PTPRD: variants seen among roughly 807,000 people sequenced by gnomAD.
PTPRD encodes the protein protein tyrosine phosphatase receptor type D.
In PTPRD, 34 loss-of-function variants were observed where a neutral mutation model predicts 214.5. That is an observed-to-expected ratio of 0.16 (90% confidence interval 0.12 to 0.21). The LOEUF (loss-of-function observed/expected upper bound fraction) is 0.21, where lower values mean the gene tolerates loss of function less well. Among genes scored for constraint, PTPRD ranks in the 10% least tolerant of loss-of-function variants. PTPRD has a pLI of 1.00. For synonymous variants in PTPRD, 1,128 were observed against 845.7 expected (o/e 1.33, Z -5.79); for missense variants, 2,545 against 2,398.7 (o/e 1.06, Z -1.27).
At chr9:9,849,134 T>G (rs1239235401) in intron 5 of PTPRD, among the ~76,000 whole-genome samples, 1 of 151,970 alleles carries the variant, frequency 6.6e-6, no homozygotes, top group East Asian at 1.9e-4. Flanking sequence ...AGTTGTTGAT[T>G]TACTTTCCGT....
At chr9:8,696,806 A>G (rs2097919900) in intron 12 of PTPRD, among the ~76,000 whole-genome samples, 1 of 152,220 alleles carries the variant, frequency 6.6e-6, no homozygotes, top group African/African-American at 2.4e-5. Context: ...AAATCCACAT[A>G]AATTGCTTAT....
intron 44 of PTPRD, among the ~76,000 whole-genome samples, chr9:8,324,370 G>C (rs1760175573): frequency 6.6e-6 from 1 of 152,096 alleles, no homozygotes; most frequent in Non-Finnish European, 1.5e-5. Context: ...CTGTTCCTGT[G>C]TTAGTTTGCT....
intron 7 of PTPRD, among the ~76,000 whole-genome samples, chr9:9,597,344 G>A (rs898844094): frequency 2.6e-5 from 4 of 151,974 alleles, no homozygotes; most frequent in Non-Finnish European, 5.9e-5. Context: ...ACACTGAATG[G>A]AAGACAACTT....
chr9:9,174,035 GA>G (rs1360829066), intron 10 of PTPRD, among the ~76,000 whole-genome samples: 2 of 152,096 alleles, frequency 1.3e-5, no homozygotes, highest in African/African-American at 4.8e-5. Context: ...CCATGATAAT[GA>G]GGGAGTTAAG....
At chr9:10,516,937 T>A (rs2050329336) in intron 2 of PTPRD, among the ~76,000 whole-genome samples, 1 of 151,942 alleles carries the variant, frequency 6.6e-6, no homozygotes, top group African/African-American at 2.4e-5. Context: ...CCTATATGTG[T>A]CTTTATGTTT....
chr9:10,566,372 C>T (rs1008951927), intron 2 of PTPRD, among the ~76,000 whole-genome samples: 6 of 151,988 alleles, frequency 3.9e-5, no homozygotes, highest in African/African-American at 1.4e-4. Context: ...TGCCAATTTA[C>T]AACTGCAGTG....
rs533830717 is a variant in PTPRD at position 9,418,958 on chromosome 9, G to A, written c.-236-21476C>T. On this transcript the variant is annotated intron_variant, in intron 8 of 45. Transcript: ENST00000381196. ...TTTTAATAAGCAGAAAGAGTGTAGTGGAGAAGGAAACGACTTTCTAGATAA... is the reference window on the plus strand; with the variant it reads ...TTTTAATAAGCAGAAAGAGTGTAGTAGAGAAGGAAACGACTTTCTAGATAA... Among the ~76,000 whole-genome samples the A allele has an allele frequency of 3.3e-5, 5 of 151,606 alleles. No individual in the cohort carries two copies. The East Asian group carries it at 9.7e-4, about 30-fold the overall frequency.
intron 11 of PTPRD, among the ~76,000 whole-genome samples, chr9:8,770,551 C>T (rs1328652482): frequency 6.6e-6 from 1 of 152,044 alleles, no homozygotes; most frequent in Non-Finnish European, 1.5e-5. Context: ...TGTAGTCAAT[C>T]CCTCTAGGAA....
At chr9:9,621,662 A>G (rs907704019) in intron 7 of PTPRD, among the ~76,000 whole-genome samples, 3 of 152,172 alleles carry the variant, frequency 2.0e-5, no homozygotes, top group African/African-American at 7.2e-5. Context: ...CCTTTGAAAA[A>G]GAAGACTATA....
At chr9:9,504,281 A>T (rs1034976649) in intron 8 of PTPRD, among the ~76,000 whole-genome samples, 2 of 151,664 alleles carry the variant, frequency 1.3e-5, no homozygotes, top group Non-Finnish European at 1.5e-5. Flanking sequence ...CATCTGTTTT[A>T]TATGTCTTTA....
chr9:8,556,630 G>C (rs2083860769), intron 14 of PTPRD, among the ~76,000 whole-genome samples: 1 of 151,880 alleles, frequency 6.6e-6, no homozygotes, highest in Admixed American at 6.6e-5. Context: ...TCCTATCCAA[G>C]GAGTCCACTT....
chr9:9,298,428 T>C (rs1321525710), intron 9 of PTPRD, among the ~76,000 whole-genome samples: 2 of 151,804 alleles, frequency 1.3e-5, no homozygotes, highest in Non-Finnish European at 2.9e-5. Context: ...CTGTGAATTT[T>C]AACTTTCATG....
At chr9:10,349,032 C>T (rs2097138101) in intron 2 of PTPRD, among the ~76,000 whole-genome samples, 1 of 152,080 alleles carries the variant, frequency 6.6e-6, no homozygotes, top group Non-Finnish European at 1.5e-5. Flanking sequence ...CATCCCTCTG[C>T]ACACCTGAAA....
chr9:10,024,899 C>T (rs1294719331), intron 4 of PTPRD, among the ~76,000 whole-genome samples: 3 of 150,252 alleles, frequency 2.0e-5, no homozygotes, highest in Non-Finnish European at 4.4e-5. Context: ...TCTGTCCGTG[C>T]GATAGTTTGC....
intron 3 of PTPRD, among the ~76,000 whole-genome samples, chr9:10,289,832 T>A (rs2095477745): frequency 6.6e-6 from 1 of 152,102 alleles, no homozygotes; most frequent in Admixed American, 6.6e-5. Flanking sequence ...TAATAAAGAA[T>A]AGAATAAAAT....
chr9:9,643,135 C>T (rs1361377134), intron 7 of PTPRD, among the ~76,000 whole-genome samples: 1 of 152,186 alleles, frequency 6.6e-6, no homozygotes, highest in East Asian at 1.9e-4. Flanking sequence ...TGCAATTTAA[C>T]TACTTCCTCA....
intron 3 of PTPRD, among the ~76,000 whole-genome samples, chr9:10,051,308 T>C (rs564528086): frequency 1.3e-5 from 2 of 152,236 alleles, no homozygotes; most frequent in South Asian, 2.1e-4. Flanking sequence ...GTATTAGAAA[T>C]AGTAACCAGT....
intron 8 of PTPRD, among the ~76,000 whole-genome samples, chr9:9,499,761 T>C (rs762434625): frequency 3.9e-5 from 6 of 152,082 alleles, no homozygotes; most frequent in Non-Finnish European, 7.4e-5. Context: ...GTTAATGCCC[T>C]CTAGTGTACA....
At chr9:9,469,798 C>G (rs536737056) in intron 8 of PTPRD, among the ~76,000 whole-genome samples, 1 of 152,186 alleles carries the variant, frequency 6.6e-6, no homozygotes, top group Non-Finnish European at 1.5e-5. Context: ...ATATTATATG[C>G]AAATTGACTT....
Sources: allele counts gnomAD v4.1 joint callset (sites outside exome capture counted in the v4.1 genomes callset), GRCh38; gene constraint gnomAD v4.1.1; transcripts MANE v1.5; gene names NCBI Gene and HGNC (gene_info 2026-07-23, HGNC 2026-07-21).